GLUD1: variants seen among roughly 807,000 people sequenced by gnomAD.
GLUD1 encodes glutamate dehydrogenase 1, mitochondrial.
GLUD1 carries 22 observed loss-of-function variants against 56.0 expected under a neutral mutation model. That is an observed-to-expected ratio of 0.39 (90% CI 0.28 to 0.56). GLUD1 has a LOEUF of 0.56. GLUD1 is among the 20% of genes least tolerant of loss of function. The pLI is 0.58. For synonymous variants in GLUD1, 223 were observed against 269.9 expected (o/e 0.83, Z 1.70); for missense variants, 451 against 732.0 (o/e 0.62, Z 4.43).
intron 1 of GLUD1, among the ~76,000 whole-genome samples, chr10:87,083,613 A>G (rs899481319): frequency 3.3e-5 from 5 of 152,252 alleles, no homozygotes; most frequent in African/African-American, 1.2e-4. Context: ...ACAGGGGCAC[A>G]GAACAGAAAC....
intron 12 of GLUD1, 113 bp downstream of exon 12, chr10:87,053,229 C>T: frequency 1.3e-6 from 1 of 767,592 alleles, no homozygotes; most frequent in Non-Finnish European, 2.4e-6. Flanking sequence ...AAATGAGGAC[C>T]ATTGAACAGA....
At chr10:87,059,447 C>CAATT (rs1845872538) in intron 9 of GLUD1, among the ~76,000 whole-genome samples, 174 bp from the exon 10 acceptor site, 3 of 151,102 alleles carry the variant, frequency 2.0e-5, no homozygotes, top group Admixed American at 6.7e-5. Flanking sequence ...CCATCCCACC[C>CAATT]AATTCCATCT....
At position 87,076,661 on chromosome 10, in the gene GLUD1, T is replaced by C. The variant is rs770386968; in HGVS notation, c.446-5A>G. ...CATCAGTGCTGTAACGGATACCTGG[T>C]GGTGTTTTTAAAAAAATGTGTTGGG... On this transcript the variant is annotated splice_polypyrimidine_tract_variant and splice_region_variant and intron_variant, in intron 1 of 12. Transcript: ENST00000277865. The C allele has an allele frequency of 1.3e-6, 2 of 1,583,704 alleles. No homozygotes were observed. Among genetic ancestry groups the C allele is most frequent in the South Asian group, 2.2e-5 (2 of 90,500 alleles).
At chr10:87,079,909 CCCCTCCCCCTCT>C (rs1175347366) in intron 1 of GLUD1, among the ~76,000 whole-genome samples, 100 of 111,392 alleles carry the variant, frequency 9.0e-4, no homozygotes, top group African/African-American at 3.0e-3. Context: ...CCTCCCCCTC[CCCCTCCCCCTCT>C]CCCTCCCCCT....
intron 4 of GLUD1, among the ~76,000 whole-genome samples, chr10:87,068,805 A>G (rs759327195): frequency 6.6e-5 from 10 of 152,106 alleles, no homozygotes; most frequent in Non-Finnish European, 1.3e-4. Context: ...AAATTAGCTT[A>G]CAGGCAATAA....
At chr10:87,068,984 T>G (rs7089351) in intron 4 of GLUD1, among the ~76,000 whole-genome samples, 4,799 of 149,972 alleles carry the variant, frequency 0.032, 268 homozygotes, top group African/African-American at 0.11. Context: ...AAATATGGTA[T>G]ACCTATGCAA....
chr10:87,069,512 T>C (rs759450021), intron 4 of GLUD1, among the ~76,000 whole-genome samples: 190 of 146,044 alleles, frequency 1.3e-3, no homozygotes, highest in Non-Finnish European at 2.4e-3. Context: ...AAGACTCTGT[T>C]TCAAAAAAAA....
chr10:87,080,722 T>C (rs919165458), intron 1 of GLUD1, among the ~76,000 whole-genome samples: 1 of 142,164 alleles, frequency 7.0e-6, no homozygotes, highest in African/African-American at 2.7e-5. Context: ...GTCTGAGAAG[T>C]GAGGAGCCCC....
At chr10:87,067,342 A>G (rs7076542) in intron 5 of GLUD1, among the ~76,000 whole-genome samples, 54,977 of 152,056 alleles carry the variant, frequency 0.36, 11,518 homozygotes, top group East Asian at 0.7. Context: ...GGGCTCAAGC[A>G]TGCCTCCCAG....
chr10:87,053,268 T>C (rs1353969609), intron 12 of GLUD1, 74 bp downstream of exon 12: 2 of 932,428 alleles, frequency 2.1e-6, no homozygotes, highest in Non-Finnish European at 3.6e-6. Context: ...ACATACAGTC[T>C]GGCGGCTGAG....
chr10:87,053,485 A>C, intron 11 of GLUD1, 81 bp from the exon 12 acceptor site: 6 of 888,654 alleles, frequency 6.8e-6, no homozygotes, highest in Non-Finnish European at 1.1e-5. Flanking sequence ...AAGGATTCTC[A>C]AGTCAATATA....
At chr10:87,079,799 T>A (rs1735645243) in intron 1 of GLUD1, among the ~76,000 whole-genome samples, 1 of 152,130 alleles carries the variant, frequency 6.6e-6, no homozygotes. Flanking sequence ...GACAGGAGTT[T>A]GAAAAAATGA....
intron 1 of GLUD1, among the ~76,000 whole-genome samples, chr10:87,088,934 C>A (rs1841450177): frequency 6.6e-6 from 1 of 152,190 alleles, no homozygotes; most frequent in Admixed American, 6.5e-5. Context: ...CCAAAGTCTT[C>A]AAACCTCTTT....
At chr10:87,073,919 C>T (rs972101142) in intron 4 of GLUD1, among the ~76,000 whole-genome samples, 3 of 151,988 alleles carry the variant, frequency 2.0e-5, no homozygotes, top group Non-Finnish European at 4.4e-5. Context: ...CCACGCTCGG[C>T]AGTAAGTATT....
At chr10:87,073,495 AGAAAG>A (rs1419954403) in intron 4 of GLUD1, among the ~76,000 whole-genome samples, 1 of 152,244 alleles carries the variant, frequency 6.6e-6, no homozygotes, top group South Asian at 2.1e-4. Context: ...GGAAATGCTA[AGAAAG>A]GAAAGTAGAG....
chr10:87,056,984 C>CG (rs59265044), intron 11 of GLUD1, among the ~76,000 whole-genome samples: 1,955 of 143,252 alleles, frequency 0.014, 49 homozygotes, highest in African/African-American at 0.046. Flanking sequence ...TTTTTTTTGG[C>CG]GGGGGGAGGG....
Position 87,094,663 on chromosome 10 carries a change from T to C in GLUD1, c.107A>G (p.Gln36Arg), listed in dbSNP as rs775436028. Residue 36 changes from glutamine (Q) to arginine (R), a missense_variant, in exon 1 of 13, where the codon CAG (glutamine) becomes CGG (arginine). Gln to Arg is a conservative substitution (Grantham distance 43, BLOSUM62 1). Transcript: ENST00000277865. This position sits in a 1 kb window ranked among gnomAD's most constrained non-coding sequence, Gnocchi z 6.6. ...SAALLGWARG[Q>R]PAAAPQPGLA... Reference sequence around the variant, plus strand: ...CCCCGGCTGCGGGGCGGCGGCGGGCTGTCCCCGGGCCCAGCCCAGCAACGC... The same window carrying C: ...CCCCGGCTGCGGGGCGGCGGCGGGCCGTCCCCGGGCCCAGCCCAGCAACGC... The C allele has an allele frequency of 9.5e-6, 15 of 1,571,092 alleles. No individual in the cohort carries two copies. Among genetic ancestry groups the C allele is most frequent in the Non-Finnish European group, 1.7e-6 (2 of 1,158,586 alleles).
At chr10:87,059,438 C>A (rs1845872063) in intron 9 of GLUD1, among the ~76,000 whole-genome samples, 165 bp from the exon 10 acceptor site, 1 of 151,900 alleles carries the variant, frequency 6.6e-6, no homozygotes, top group African/African-American at 2.4e-5. Flanking sequence ...CACTCCTTCC[C>A]ATCCCACCCA....
At chr10:87,082,333 CA>C (rs1171660528) in intron 1 of GLUD1, among the ~76,000 whole-genome samples, 1 of 152,194 alleles carries the variant, frequency 6.6e-6, no homozygotes, top group Non-Finnish European at 1.5e-5. Flanking sequence ...GTGTGTATAA[CA>C]AAAGACATGT....
Sources: gnomAD v4.1 joint callset for allele counts (sites outside exome capture counted in the v4.1 genomes callset) on GRCh38, gnomAD v4.1.1 for gene constraint, Gnocchi (gnomAD v3.1) non-coding constraint, MANE v1.5 for transcripts, NCBI Gene and HGNC (gene_info 2026-07-23, HGNC 2026-07-21) for gene names.